Variants in EYS observed in about 807,000 individuals in gnomAD.
The protein encoded by EYS is protein eyes shut homolog.
EYS carries 250 observed loss-of-function variants against 282.1 expected under a neutral mutation model. That is an observed-to-expected ratio of 0.89 (90% CI 0.80 to 0.98). EYS has a LOEUF of 0.98. Ranked by LOEUF, EYS falls within the 50% of genes least tolerant of loss-of-function variation. EYS has a pLI of 0.00. For missense variants in EYS, 4,016 were observed against 3,709.0 expected, an observed-to-expected ratio of 1.08 and a Z score of -2.15; for synonymous variants, 1,355 against 1,282.9, an observed-to-expected ratio of 1.06 and a Z score of -1.20.
chr6:64,542,658 G>T (rs1165113690), intron 26 of EYS, among the ~76,000 whole-genome samples: 1 of 152,004 alleles, frequency 6.6e-6, no homozygotes, highest in Admixed American at 6.6e-5. Flanking sequence ...AATAAAGTAT[G>T]ATTATAAAAT....
chr6:65,535,351 T>TG (rs1767924895), intron 2 of EYS, among the ~76,000 whole-genome samples: 1 of 152,068 alleles, frequency 6.6e-6, no homozygotes, highest in African/African-American at 2.4e-5. Flanking sequence ...AATTGAATCA[T>TG]GGGGGCAGGT....
chr6:63,766,454 T>C (rs114867606), intron 40 of EYS, among the ~76,000 whole-genome samples: 1,838 of 152,122 alleles, frequency 0.012, 30 homozygotes, highest in African/African-American at 0.043. Context: ...ATAAATATAA[T>C]AGGTCATGGC....
intron 37 of EYS, among the ~76,000 whole-genome samples, chr6:63,804,591 G>C (rs1215877704): frequency 2.0e-5 from 3 of 152,186 alleles, no homozygotes; most frequent in African/African-American, 7.2e-5. Context: ...GAAAGCACTT[G>C]GTGGTTAAGG....
At chr6:64,545,710 A>T (rs1447176615) in intron 26 of EYS, among the ~76,000 whole-genome samples, 5 of 152,232 alleles carry the variant, frequency 3.3e-5, no homozygotes, top group Non-Finnish European at 5.9e-5. Context: ...AATCACAAGC[A>T]TTCTTATACA....
intron 26 of EYS, among the ~76,000 whole-genome samples, chr6:64,466,313 CA>C (rs1267687988): frequency 1.3e-5 from 2 of 152,052 alleles, no homozygotes. Flanking sequence ...ATGTTTATTG[CA>C]GCATTATTTG....
intron 33 of EYS, among the ~76,000 whole-genome samples, chr6:64,043,566 A>C (rs139350057): frequency 5.6e-4 from 85 of 152,342 alleles, no homozygotes; most frequent in Admixed American, 1.2e-3. Flanking sequence ...AGGTTCTGAC[A>C]CGAATATGCC....
intron 22 of EYS, among the ~76,000 whole-genome samples, chr6:64,693,453 T>C (rs1223339473): frequency 6.6e-6 from 1 of 152,158 alleles, no homozygotes; most frequent in African/African-American, 2.4e-5. Context: ...CATAGATTAC[T>C]GCAACAGAAT....
intron 29 of EYS, among the ~76,000 whole-genome samples, chr6:64,373,029 A>T (rs1181623911): frequency 6.6e-6 from 1 of 152,112 alleles, no homozygotes; most frequent in African/African-American, 2.4e-5. Context: ...GATAATCTTT[A>T]TTCCTATCCA....
intron 19 of EYS, among the ~76,000 whole-genome samples, chr6:64,823,560 C>T (rs1009684165): frequency 6.6e-6 from 1 of 151,916 alleles, no homozygotes; most frequent in African/African-American, 2.4e-5. Context: ...CCCATTACAT[C>T]CATTACTAGC....
At chr6:63,791,759 A>C (rs1198698555) in intron 37 of EYS, among the ~76,000 whole-genome samples, 1 of 152,152 alleles carries the variant, frequency 6.6e-6, no homozygotes, top group Non-Finnish European at 1.5e-5. Flanking sequence ...AAGGATTTTG[A>C]ATAAGAGAAG....
intron 19 of EYS, among the ~76,000 whole-genome samples, chr6:64,850,898 T>C (rs895932738): frequency 1.3e-5 from 2 of 152,044 alleles, no homozygotes; most frequent in Non-Finnish European, 2.9e-5. Flanking sequence ...TATTGTAAAT[T>C]TAATATAGTA....
At chr6:64,458,771 C>T (rs899811869) in intron 26 of EYS, among the ~76,000 whole-genome samples, 2 of 152,212 alleles carry the variant, frequency 1.3e-5, no homozygotes, top group Admixed American at 1.3e-4. Context: ...TTCCACCCCT[C>T]CATGGAAATC....
At position 65,225,337 on chromosome 6, in the gene EYS, C is replaced by T. The variant is rs114998112; in HGVS notation, c.2023+70526G>A. 4.2e-3 allele frequency among the ~76,000 whole-genome samples: 637 copies of T among 150,704 alleles called. 5 individuals carry two copies. The highest frequency in any genetic ancestry group is 0.014 in the African/African-American group (574 of 41,256). The stretch of plus-strand genomic sequence containing the variant: ...ATTATATAGTATAGCAAATATAAAG[C>T]AGCATATTAAAAATGGTAAAAACAT... On this transcript the variant is annotated intron_variant, in intron 12 of 42. Coordinates refer to ENST00000503581, the MANE Select transcript of EYS (RefSeq NM_001142800.2).
intron 19 of EYS, among the ~76,000 whole-genome samples, chr6:64,856,166 A>C (rs1448974806): frequency 6.6e-6 from 1 of 152,162 alleles, no homozygotes; most frequent in African/African-American, 2.4e-5. Context: ...AATTATGTAG[A>C]GCTCCATAAG....
chr6:65,110,656 C>T (rs1052990929), intron 12 of EYS, among the ~76,000 whole-genome samples: 4 of 151,718 alleles, frequency 2.6e-5, no homozygotes, highest in Admixed American at 6.6e-5. Flanking sequence ...AAACATTCAT[C>T]ATATTAAAGT....
chr6:64,764,730 T>C (rs898001547), intron 22 of EYS, among the ~76,000 whole-genome samples: 7 of 152,156 alleles, frequency 4.6e-5, no homozygotes, highest in Non-Finnish European at 1.0e-4. Flanking sequence ...ACTGTTCCCT[T>C]TTTGTTTTTT....
At chr6:63,870,891 A>G (rs1772784708) in intron 35 of EYS, among the ~76,000 whole-genome samples, 1 of 152,228 alleles carries the variant, frequency 6.6e-6, no homozygotes, top group Non-Finnish European at 1.5e-5. Flanking sequence ...AAAATTCACC[A>G]CTTCATCAAA....
At chr6:65,155,907 G>A (rs1392757190) in intron 12 of EYS, among the ~76,000 whole-genome samples, 1 of 151,428 alleles carries the variant, frequency 6.6e-6, no homozygotes, top group African/African-American at 2.4e-5. Flanking sequence ...TGCATAACAT[G>A]CCAAGGCATT....
chr6:64,131,115 C>G lies in EYS; in HGVS notation c.6425-49113G>C, dbSNP rs563632102. ...ACTCTTGACTTCGTGATCCTCCCCCCCTTGGCCTCCCAAAGTGCTGGGATT... is the reference window on the plus strand; with the variant it reads ...ACTCTTGACTTCGTGATCCTCCCCCGCTTGGCCTCCCAAAGTGCTGGGATT... On this transcript the variant is annotated intron_variant, in intron 31 of 42. Coordinates refer to ENST00000503581, the MANE Select transcript of EYS (RefSeq NM_001142800.2). Among the ~76,000 whole-genome samples the G allele has an allele frequency of 1.3e-3, 200 of 152,252 alleles. 1 individual carries two copies. The highest frequency in any genetic ancestry group is 2.2e-3 in the Non-Finnish European group (147 of 68,024).
Sources: allele counts gnomAD v4.1 joint callset (sites outside exome capture counted in the v4.1 genomes callset), GRCh38; gene constraint gnomAD v4.1.1; transcripts MANE v1.5; gene names NCBI Gene and HGNC (gene_info 2026-07-23, HGNC 2026-07-21).